Variants in KCTD16 observed in about 807,000 individuals in gnomAD.
The protein encoded by KCTD16 is BTB/POZ domain-containing protein KCTD16.
In KCTD16, 13 loss-of-function variants were observed where a neutral mutation model predicts 33.2. The ratio of observed to expected loss-of-function variants is 0.39; its 90% confidence interval spans 0.25 to 0.62. KCTD16 has a LOEUF of 0.62. Among genes scored for constraint, KCTD16 ranks in the 20% least tolerant of loss-of-function variants. The probability of loss-of-function intolerance (pLI) is 0.50; values close to 1 mark genes in which losing one functional copy is unlikely to be tolerated. For synonymous variants in KCTD16, 197 were observed against 195.3 expected (o/e 1.01, Z -0.07); for missense variants, 441 against 525.1 (o/e 0.84, Z 1.57).
At chr5:144,174,601 C>T (rs942470677) in intron 2 of KCTD16, 129 bp downstream of exon 2, 2 of 152,136 alleles carry the variant, frequency 1.3e-5, no homozygotes, top group Non-Finnish European at 2.9e-5. Flanking sequence ...ATCAAGTCTC[C>T]TGTACTAGGT....
intron 3 of KCTD16, among the ~76,000 whole-genome samples, chr5:144,260,506 G>T (rs1754976486): frequency 6.6e-6 from 1 of 152,200 alleles, no homozygotes. Context: ...CATTGAAAGG[G>T]ACAAGGAGCT....
At chr5:144,290,974 A>G (rs1237130495) in intron 3 of KCTD16, among the ~76,000 whole-genome samples, 2 of 152,270 alleles carry the variant, frequency 1.3e-5, no homozygotes, top group East Asian at 1.9e-4. Context: ...TGGATTACAA[A>G]GATGTAACAG....
chr5:144,462,787 G>A (rs114766718), intron 3 of KCTD16, among the ~76,000 whole-genome samples: 223 of 152,146 alleles, frequency 1.5e-3, no homozygotes, highest in African/African-American at 5.1e-3. Flanking sequence ...GCAAATTTAT[G>A]CAAGTGGCAC....
At chr5:144,187,709 C>T (rs1752757592) in intron 2 of KCTD16, among the ~76,000 whole-genome samples, 1 of 152,062 alleles carries the variant, frequency 6.6e-6, no homozygotes, top group Admixed American at 6.5e-5. Context: ...TTTGTGTACC[C>T]CAGAGTCTTG....
At chr5:144,299,045 T>C (rs1157886798) in intron 3 of KCTD16, among the ~76,000 whole-genome samples, 1 of 26,434 alleles carries the variant, frequency 3.8e-5, no homozygotes, top group Non-Finnish European at 7.0e-5. Flanking sequence ...AACAGATCAC[T>C]ATATATATAT....
chr5:144,469,858 A>G (rs1292191196), intron 3 of KCTD16, among the ~76,000 whole-genome samples: 1 of 151,740 alleles, frequency 6.6e-6, no homozygotes, highest in Non-Finnish European at 1.5e-5. Context: ...ATCATATAAT[A>G]TTCAACAAAT....
intron 3 of KCTD16, among the ~76,000 whole-genome samples, chr5:144,266,332 A>C (rs1183941367): frequency 3.9e-5 from 6 of 152,136 alleles, no homozygotes; most frequent in Admixed American, 2.6e-4. Context: ...ACCTGTATGG[A>C]AAGGAGCTGG....
intron 3 of KCTD16, among the ~76,000 whole-genome samples, chr5:144,309,504 G>A (rs960048309): frequency 6.6e-6 from 1 of 152,060 alleles, no homozygotes. Flanking sequence ...TAATATTTGA[G>A]TCTTCCAAGC....
At chr5:144,341,021 G>C (rs1014236133) in intron 3 of KCTD16, among the ~76,000 whole-genome samples, 7 of 151,936 alleles carry the variant, frequency 4.6e-5, no homozygotes, top group Admixed American at 4.6e-4. Context: ...CTCCAGCCTG[G>C]GCAACAAGAG....
intron 3 of KCTD16, among the ~76,000 whole-genome samples, chr5:144,414,408 C>T (rs1434794127): frequency 2.0e-5 from 3 of 152,116 alleles, no homozygotes; most frequent in Non-Finnish European, 4.4e-5. Context: ...CAAAGTGTTT[C>T]ATGTTATTTT....
chr5:144,454,370 ACT>A lies in KCTD16; in HGVS notation c.833-19287_833-19286del, dbSNP rs529761462. 3.9e-4 allele frequency among the ~76,000 whole-genome samples: 59 copies of A among 152,216 alleles called. No homozygotes were observed. The South Asian group carries it at 0.011, about 29-fold the overall frequency. On this transcript the variant is annotated intron_variant, in intron 3 of 3. Coordinates refer to ENST00000512467, the MANE Select transcript of KCTD16 (RefSeq NM_020768.4). ...TTTCACATGGGAATGGAATAAATCA[ACT>A]CTGTTTTCTCAGAAAGTATCTGTTT...
At chr5:144,237,915 C>G (rs1211817915) in intron 3 of KCTD16, among the ~76,000 whole-genome samples, 2 of 146,782 alleles carry the variant, frequency 1.4e-5, no homozygotes, top group Non-Finnish European at 3.0e-5. Flanking sequence ...GAGTCAAAGC[C>G]AGAACTGCAT....
chr5:144,444,500 T>G lies in KCTD16; in HGVS notation c.833-29160T>G, dbSNP rs142845793. ...TTCATCAAATTGTATATGTTAAAGA[T>G]GCATAGTTTTTGTACGTCAGTCATG... On this transcript the variant is annotated intron_variant, in intron 3 of 3. Coordinates refer to ENST00000512467, the MANE Select transcript of KCTD16 (RefSeq NM_020768.4). Among the ~76,000 whole-genome samples, 169 of 152,226 alleles carry G rather than the reference T, an allele frequency of 1.1e-3. 1 individual carries two copies. The highest frequency in any genetic ancestry group is 3.8e-3 in the African/African-American group (158 of 41,568).
At chr5:144,224,908 G>C (rs1753881329) in intron 3 of KCTD16, among the ~76,000 whole-genome samples, 1 of 152,180 alleles carries the variant, frequency 6.6e-6, no homozygotes, top group Non-Finnish European at 1.5e-5. Context: ...CATACTCTTA[G>C]GGACTGCTTC....
intron 3 of KCTD16, among the ~76,000 whole-genome samples, chr5:144,289,849 C>T (rs1483111755): frequency 6.6e-6 from 1 of 151,874 alleles, no homozygotes; most frequent in African/African-American, 2.4e-5. Context: ...AAATTAAACT[C>T]TTATTTCTGG....
chr5:144,424,773 T>G (rs1364766499), intron 3 of KCTD16, among the ~76,000 whole-genome samples: 2 of 152,052 alleles, frequency 1.3e-5, no homozygotes, highest in Non-Finnish European at 2.9e-5. Context: ...CCCACTTCTG[T>G]GCCACTCCCA....
intron 3 of KCTD16, among the ~76,000 whole-genome samples, chr5:144,362,802 G>A (rs1751745196): frequency 6.6e-6 from 1 of 152,066 alleles, no homozygotes; most frequent in Non-Finnish European, 1.5e-5. Flanking sequence ...CTGGCTAGGG[G>A]TATGATAGCA....
chr5:144,400,968 G>A (rs942092404), intron 3 of KCTD16, among the ~76,000 whole-genome samples: 2 of 152,132 alleles, frequency 1.3e-5, no homozygotes, highest in African/African-American at 4.8e-5. Flanking sequence ...GGGGAATAGA[G>A]AAAAGGCCAG....
intron 3 of KCTD16, among the ~76,000 whole-genome samples, chr5:144,434,613 A>G (rs1441913427): frequency 6.6e-6 from 1 of 152,160 alleles, no homozygotes; most frequent in Non-Finnish European, 1.5e-5. Flanking sequence ...GGTATGATAC[A>G]AAGGAGTTGA....
Sources: allele counts gnomAD v4.1 joint callset (sites outside exome capture counted in the v4.1 genomes callset), GRCh38; gene constraint gnomAD v4.1.1; transcripts MANE v1.5; gene names NCBI Gene and HGNC (gene_info 2026-07-23, HGNC 2026-07-21).